TUBGCP3: variants seen among roughly 807,000 people sequenced by gnomAD.
TUBGCP3 encodes tubulin gamma complex component 3.
TUBGCP3 carries 50 observed loss-of-function variants against 123.1 expected under a neutral mutation model. The ratio of observed to expected loss-of-function variants is 0.41; its 90% CI spans 0.32 to 0.51. The LOEUF (loss-of-function observed/expected upper bound fraction) is 0.51. TUBGCP3 is among the 20% of genes least tolerant of loss of function. The pLI, the probability that TUBGCP3 is intolerant of heterozygous loss-of-function variation, is 0.36. For missense variants in TUBGCP3, 882 were observed against 1,127.0 expected, an observed-to-expected ratio of 0.78 and a Z score of 3.11; for synonymous variants, 405 against 413.9, an observed-to-expected ratio of 0.98 and a Z score of 0.26.
chr13:112,512,427 CAAAAAAAAAAA>C (rs35550857), intron 17 of TUBGCP3, among the ~76,000 whole-genome samples: 8 of 39,458 alleles, frequency 2.0e-4, no homozygotes, highest in Admixed American at 2.7e-4. Context: ...GACTCTGTCT[CAAAAAAAAAAA>C]AAAAAAAAAA....
intron 1 of TUBGCP3, among the ~76,000 whole-genome samples, chr13:112,581,744 C>A (rs757000035): frequency 1.3e-5 from 2 of 152,150 alleles, no homozygotes; most frequent in African/African-American, 2.4e-5. Context: ...CCGTACCCAG[C>A]CAGTAAAAAT....
chr13:112,580,349 AAGTC>A (rs1882198648), intron 1 of TUBGCP3, among the ~76,000 whole-genome samples: 1 of 152,204 alleles, frequency 6.6e-6, no homozygotes, highest in African/African-American at 2.4e-5. Context: ...CATTAAAAAA[AAGTC>A]AGCCCTGCGT....
rs1879169115 is a variant in TUBGCP3 at position 112,547,611 on chromosome 13, G to A, written c.1168+9C>T. 7 of 1,509,110 alleles carry A rather than the reference G, an allele frequency of 4.6e-6. No homozygotes were observed. The highest frequency in any genetic ancestry group is 5.3e-6 in the Non-Finnish European group (6 of 1,123,190). 93.5% of individuals were successfully genotyped at this position (1,509,110 alleles called of 1,614,324 possible). A position where few individuals can be genotyped will look rare whatever the true frequency, so the allele number is the denominator to read the frequency against. ...GGAAAGACGTGCGTGGGAAAGACGC[G>A]CGTGGGACCTTGGCAGTGGTCCACT... On this transcript the variant is annotated intron_variant, in intron 10 of 21. Coordinates refer to ENST00000261965, the MANE Select transcript of TUBGCP3 (RefSeq NM_006322.6).
chr13:112,502,133 C>A lies in TUBGCP3; in HGVS notation c.2307+1899G>T, dbSNP rs533092745. Among the ~76,000 whole-genome samples the A allele has an allele frequency of 7.6e-4, 116 of 152,304 alleles. 1 individual carries two copies. The highest frequency in any genetic ancestry group is 2.7e-3 in the African/African-American group (111 of 41,564). On this transcript the variant is annotated intron_variant, in intron 19 of 21. Transcript: ENST00000261965. ...CACCGGCACAAAATAGCAACTAACA[C>A]CTATCTGCCAGCCACTATGGTCAAC...
intron 12 of TUBGCP3, 91 bp downstream of exon 12, chr13:112,527,283 T>C (rs141083315): frequency 3.8e-5 from 38 of 1,009,694 alleles, no homozygotes; most frequent in Admixed American, 1.7e-4. Context: ...TCAAAACGCA[T>C]GAAATTTTAA....
chr13:112,554,602 T>A (rs1331561367), intron 7 of TUBGCP3, among the ~76,000 whole-genome samples: 4 of 152,194 alleles, frequency 2.6e-5, no homozygotes, highest in African/African-American at 9.7e-5. Flanking sequence ...CTCTGTCCCC[T>A]GGGTGCCTCA....
intron 1 of TUBGCP3, among the ~76,000 whole-genome samples, chr13:112,584,320 T>C (rs1403507692): frequency 6.6e-6 from 1 of 152,128 alleles, no homozygotes. Flanking sequence ...CAAAACAATT[T>C]TTAAATTTTA....
At chr13:112,600,153 G>A in the TUBGCP3 span, among the ~76,000 whole-genome samples, 1 of 152,126 alleles carries the variant, frequency 6.6e-6, no homozygotes, top group African/African-American at 2.4e-5. Flanking sequence ...AATTCCCAAA[G>A]ACGGCTGCAA....
intron 6 of TUBGCP3, 51 bp from the exon 7 acceptor site, chr13:112,555,056 A>G: frequency 8.5e-7 from 1 of 1,177,494 alleles, no homozygotes; most frequent in South Asian, 1.4e-5. Flanking sequence ...ATTTTAACAG[A>G]CAATAGATAT....
chr13:112,535,794 T>C (rs1008074420), intron 11 of TUBGCP3, among the ~76,000 whole-genome samples: 23 of 152,232 alleles, frequency 1.5e-4, no homozygotes, highest in African/African-American at 5.3e-4. Context: ...CTGATATACT[T>C]GTTCTCACTG....
At position 112,558,408 on chromosome 13, in the gene TUBGCP3, A is replaced by G. The variant is rs753285972; in HGVS notation, c.336T>C (p.Ser112=). Residue 112 remains serine (S), a synonymous_variant, in exon 5 of 22, where the codon TCT becomes TCC. Coordinates refer to ENST00000261965, the MANE Select transcript of TUBGCP3 (RefSeq NM_006322.6). The part of the protein sequence containing the change: ...EDPRRQPSKV[S]SYATLFAQAL... ...CCTGAGCAAATAACGTAGCATAGCT[A>G]GAAACCTGAAAAGAGAAACACACTA... The G allele has an allele frequency of 1.9e-6, 3 of 1,553,380 alleles. No individual in the cohort carries two copies. Among genetic ancestry groups the G allele is most frequent in the Non-Finnish European group, 2.6e-6 (3 of 1,139,978 alleles).
chr13:112,488,506 G>A (rs1050209387), intron 21 of TUBGCP3, among the ~76,000 whole-genome samples: 1 of 152,196 alleles, frequency 6.6e-6, no homozygotes, highest in African/African-American at 2.4e-5. Context: ...GCTGTCTCAG[G>A]GACAGTCCCC....
chr13:112,587,798 C>G, intron 1 of TUBGCP3, 107 bp downstream of exon 1: 1 of 1,028,096 alleles, frequency 9.7e-7, no homozygotes, highest in Non-Finnish European at 1.4e-6. Context: ...GCCCTCTGCC[C>G]GGCCCTGCAT....
chr13:112,508,706 T>G lies in TUBGCP3; in HGVS notation c.2087-3992A>C, dbSNP rs555719455. On this transcript the variant is annotated intron_variant, in intron 17 of 21. Transcript: ENST00000261965. This position sits in a 1 kb window ranked among gnomAD's most constrained non-coding sequence, Gnocchi z 4.2. Reference sequence around the variant, plus strand: ...AAATACTCAAATTAGCGTATTTGAATGGAATCACTATCCCCCCCAAAGAAG... The same window carrying G: ...AAATACTCAAATTAGCGTATTTGAAGGGAATCACTATCCCCCCCAAAGAAG... 4.2e-4 allele frequency among the ~76,000 whole-genome samples: 64 copies of G among 152,134 alleles called. No homozygotes were observed. The highest frequency in any genetic ancestry group is 7.6e-4 in the Non-Finnish European group (52 of 68,026).
chr13:112,588,020 C>A lies in TUBGCP3; in HGVS notation c.-40G>T. On this transcript the variant is annotated 5_prime_UTR_variant, in exon 1 of 22. Coordinates refer to ENST00000261965, the MANE Select transcript of TUBGCP3 (RefSeq NM_006322.6). ...GTGCACGGTGGTCCGGGCAGAGCCGCCACTGCCGCCGCACGCGCAGGGACC... is the reference window on the plus strand; with the variant it reads ...GTGCACGGTGGTCCGGGCAGAGCCGACACTGCCGCCGCACGCGCAGGGACC... 1 of 1,404,326 alleles carries A rather than the reference C, an allele frequency of 7.1e-7. No homozygotes were observed. Among genetic ancestry groups the A allele is most frequent in the Non-Finnish European group, 9.4e-7 (1 of 1,067,386 alleles). 87.0% of individuals were successfully genotyped at this position (1,404,326 alleles called of 1,614,324 possible). A position where few individuals can be genotyped will look rare whatever the true frequency, so the allele number is the denominator to read the frequency against.
chr13:112,569,001 C>A, intron 2 of TUBGCP3, 151 bp downstream of exon 2: 2 of 674,814 alleles, frequency 3.0e-6, no homozygotes, highest in Admixed American at 2.7e-5. Context: ...ATAGTTCTGA[C>A]TCTACAACAG....
chr13:112,603,328 A>G, the TUBGCP3 span: 15 of 152,336 alleles, frequency 9.8e-5, no homozygotes, highest in African/African-American at 3.1e-4. Context: ...AAAACTGGGC[A>G]AGTCTTTGCT....
intron 13 of TUBGCP3, among the ~76,000 whole-genome samples, chr13:112,526,007 A>C (rs1877031420): frequency 6.6e-6 from 1 of 152,156 alleles, no homozygotes; most frequent in South Asian, 2.1e-4. Context: ...ATGGTACAAA[A>C]AATACTTTTA....
At chr13:112,526,902 C>T in intron 13 of TUBGCP3, 40 bp downstream of exon 13, 2 of 1,414,166 alleles carry the variant, frequency 1.4e-6, no homozygotes, top group Non-Finnish European at 2.0e-6. Context: ...ATCAACATCA[C>T]ACCATTGCCA....
Sources: gnomAD v4.1 joint callset for allele counts (sites outside exome capture counted in the v4.1 genomes callset) on GRCh38, gnomAD v4.1.1 for gene constraint, Gnocchi (gnomAD v3.1) non-coding constraint, MANE v1.5 for transcripts, NCBI Gene and HGNC (gene_info 2026-07-23, HGNC 2026-07-21) for gene names.